SPON1: variants seen among roughly 807,000 people sequenced by gnomAD.
The protein encoded by SPON1 is spondin 1, also known as spondin-1.
Under a neutral mutation model 111.7 loss-of-function variants are expected in SPON1, and 52 were observed. That is an observed-to-expected ratio of 0.47 (90% confidence interval 0.37 to 0.59). SPON1 has a LOEUF of 0.59. SPON1 is among the 20% of genes least tolerant of loss of function. The pLI, the probability that SPON1 is intolerant of heterozygous loss-of-function variation, is 0.00. For missense variants in SPON1, 957 were observed against 1,068.5 expected, an observed-to-expected ratio of 0.90 and a Z score of 1.46; for synonymous variants, 410 against 395.8, an observed-to-expected ratio of 1.04 and a Z score of -0.43.
At chr11:14,190,641 TTTC>T (rs1554934454) in intron 6 of SPON1, among the ~76,000 whole-genome samples, 36 of 134,296 alleles carry the variant, frequency 2.7e-4, no homozygotes, top group Middle Eastern at 4.0e-3. Flanking sequence ...TCTTTTTCTT[TTTC>T]TTTTTTTTTT....
chr11:13,962,921 C>A lies in SPON1; in HGVS notation c.17C>A (p.Ala6Glu), dbSNP rs1475273815. ...GCCGCGAAGATGAGGCTGTCCCCGG[C>A]GCCCCTGAAGCTGAGCCGGACTCCG... MRLSP[A>E]PLKLSRTPAL... Residue 6 changes from alanine (A) to glutamate (E), a missense_variant, in exon 1 of 16, where the codon GCG becomes GAG. By Grantham distance (107) the Ala-to-Glu change is moderately radical. Around this residue, in one of 5 missense-constraint regions of SPON1, gnomAD observed 262 missense variants for 253.9 expected, o/e 1.03. Coordinates refer to ENST00000576479, the MANE Select transcript of SPON1 (RefSeq NM_006108.4). 23 of 1,549,444 alleles carry A rather than the reference C, an allele frequency of 1.5e-5. No individual in the cohort carries two copies. Among genetic ancestry groups the A allele is most frequent in the Non-Finnish European group, 1.8e-5 (21 of 1,152,020 alleles).
chr11:13,992,223 C>T (rs1185391827), intron 2 of SPON1, among the ~76,000 whole-genome samples: 14 of 152,238 alleles, frequency 9.2e-5, no homozygotes, highest in Admixed American at 7.8e-4. Flanking sequence ...AAGTCCCTGA[C>T]TGGGGCTGCT....
chr11:13,986,202 A>G (rs782762249), intron 2 of SPON1, among the ~76,000 whole-genome samples: 3 of 152,174 alleles, frequency 2.0e-5, no homozygotes, highest in Non-Finnish European at 2.9e-5. Context: ...CTGAAAGTCA[A>G]CAAGTCACCC....
chr11:14,126,126 T>C (rs1554926977), intron 5 of SPON1, among the ~76,000 whole-genome samples: 1 of 152,212 alleles, frequency 6.6e-6, no homozygotes, highest in Non-Finnish European at 1.5e-5. Flanking sequence ...CCACCCACAA[T>C]AGGGAGAGCA....
At chr11:14,051,933 A>T (rs142467279) in intron 3 of SPON1, among the ~76,000 whole-genome samples, 2 of 152,322 alleles carry the variant, frequency 1.3e-5, no homozygotes, top group African/African-American at 4.8e-5. Flanking sequence ...AAGAGAGCTG[A>T]TGTTTAGACA....
chr11:14,257,050 G>T (rs1449988443), intron 10 of SPON1, among the ~76,000 whole-genome samples: 1 of 152,060 alleles, frequency 6.6e-6, no homozygotes, highest in African/African-American at 2.4e-5. Context: ...GCAAAGAAAG[G>T]CCCAGATCCT....
intron 6 of SPON1, among the ~76,000 whole-genome samples, chr11:14,152,179 G>T (rs1345828132): frequency 6.6e-6 from 1 of 152,178 alleles, no homozygotes; most frequent in Admixed American, 6.5e-5. Flanking sequence ...ACATTGAGAA[G>T]TGTCTGTTGA....
chr11:14,240,636 T>TGTGTAGATATATATTACAA (rs1848915493), intron 6 of SPON1, among the ~76,000 whole-genome samples: 1 of 147,096 alleles, frequency 6.8e-6, no homozygotes, highest in Non-Finnish European at 1.5e-5. Context: ...TGTGTGTGTG[T>TGTGTAGATATATATTACAA]AGTTATATAT....
At chr11:13,998,510 G>GCCTC (rs1285343323) in intron 2 of SPON1, among the ~76,000 whole-genome samples, 3 of 152,120 alleles carry the variant, frequency 2.0e-5, no homozygotes, top group Non-Finnish European at 4.4e-5. Flanking sequence ...TGTGCACCCT[G>GCCTC]CCTCCTCTCT....
At chr11:13,971,236 G>A (rs1848060992) in intron 1 of SPON1, among the ~76,000 whole-genome samples, 1 of 152,186 alleles carries the variant, frequency 6.6e-6, no homozygotes, top group Non-Finnish European at 1.5e-5. Flanking sequence ...CAGACCACTG[G>A]GAGGGAAGAG....
At position 14,228,483 on chromosome 11, in the gene SPON1, G is replaced by T. The variant is rs781795729; in HGVS notation, c.826-14849G>T. ...GCAGAGGGAGAAGTTGAGCTGTGTC[G>T]CAGGCCCAACAAAGACCTCTACCAA... On this transcript the variant is annotated intron_variant, in intron 6 of 15. Transcript: ENST00000576479. This position sits in a 1 kb window ranked among gnomAD's most constrained non-coding sequence, Gnocchi z 4.2. 1.3e-5 allele frequency among the ~76,000 whole-genome samples: 2 copies of T among 152,150 alleles called. No individual in the cohort carries two copies. The highest frequency in any genetic ancestry group is 2.9e-5 in the Non-Finnish European group (2 of 68,016).
At position 14,046,104 on chromosome 11, in the gene SPON1, A is replaced by C. The variant is rs1289618686; in HGVS notation, c.479+4450A>C. Among the ~76,000 whole-genome samples the C allele has an allele frequency of 4.6e-5, 7 of 152,356 alleles. No individual in the cohort carries two copies. The East Asian group carries it at 1.3e-3, about 29-fold the overall frequency. On this transcript the variant is annotated intron_variant, in intron 3 of 15. Transcript: ENST00000576479. ...AGGAAAGTTTAATAAGGGTCTATTCACAATGGTGGGGGCAAAATAACAGTG... is the reference window on the plus strand; with the variant it reads ...AGGAAAGTTTAATAAGGGTCTATTCCCAATGGTGGGGGCAAAATAACAGTG...
chr11:14,116,797 T>TG (rs1408105991), intron 5 of SPON1, among the ~76,000 whole-genome samples: 3 of 152,126 alleles, frequency 2.0e-5, no homozygotes, highest in African/African-American at 7.2e-5. Context: ...TAGAAAAACG[T>TG]GGGGAGATTT....
At chr11:14,221,566 C>T (rs782063607) in intron 6 of SPON1, among the ~76,000 whole-genome samples, 1 of 142,384 alleles carries the variant, frequency 7.0e-6, no homozygotes, top group Non-Finnish European at 1.5e-5. Flanking sequence ...GCTGCCACGG[C>T]GAAAGCCAGA....
At chr11:14,017,490 T>C (rs1214868514) in intron 2 of SPON1, among the ~76,000 whole-genome samples, 1 of 152,220 alleles carries the variant, frequency 6.6e-6, no homozygotes, top group Non-Finnish European at 1.5e-5. Context: ...AAATGCAGCT[T>C]TTATTCTTAG....
intron 6 of SPON1, among the ~76,000 whole-genome samples, chr11:14,237,912 C>T (rs1554939352): frequency 6.6e-6 from 1 of 152,202 alleles, no homozygotes; most frequent in Non-Finnish European, 1.5e-5. Flanking sequence ...ACAGTGTGCA[C>T]TTTCAGGCCC....
intron 2 of SPON1, among the ~76,000 whole-genome samples, chr11:14,039,646 A>G (rs181441020): frequency 6.6e-6 from 1 of 152,334 alleles, no homozygotes; most frequent in African/African-American, 2.4e-5. Flanking sequence ...CTAATGAAAG[A>G]AAATATTGGA....
chr11:14,166,864 A>T (rs1417029421), intron 6 of SPON1, among the ~76,000 whole-genome samples: 3 of 152,096 alleles, frequency 2.0e-5, no homozygotes, highest in Non-Finnish European at 2.9e-5. Context: ...AGCATTATTC[A>T]TCAGAATCCT....
chr11:14,000,135 C>G (rs1240548812), intron 2 of SPON1, among the ~76,000 whole-genome samples: 1 of 152,164 alleles, frequency 6.6e-6, no homozygotes, highest in Non-Finnish European at 1.5e-5. Context: ...TGATCACTGT[C>G]TTCACAGCAT....
Sources: allele counts gnomAD v4.1 joint callset (sites outside exome capture counted in the v4.1 genomes callset), GRCh38; gene constraint gnomAD v4.1.1; regional missense constraint gnomAD v4.1.1; non-coding constraint Gnocchi (gnomAD v3.1); transcripts MANE v1.5; gene names NCBI Gene and HGNC (gene_info 2026-07-23, HGNC 2026-07-21).